SLC24A3: variants seen among roughly 807,000 people sequenced by gnomAD.
SLC24A3 encodes the protein sodium/potassium/calcium exchanger 3.
Under a neutral mutation model 75.8 loss-of-function variants are expected in SLC24A3, and 28 were observed. The ratio of observed to expected loss-of-function variants is 0.37; its 90% CI spans 0.27 to 0.51. The LOEUF is 0.51. Ranked by LOEUF, SLC24A3 falls within the 20% of genes least tolerant of loss-of-function variation. SLC24A3 has a pLI of 0.94. For synonymous variants in SLC24A3, 372 were observed against 334.1 expected (o/e 1.11, Z -1.24); for missense variants, 663 against 847.8 (o/e 0.78, Z 2.71).
intron 6 of SLC24A3, among the ~76,000 whole-genome samples, chr20:19,653,061 G>A (rs1366616939): frequency 6.6e-6 from 1 of 150,954 alleles, no homozygotes; most frequent in East Asian, 2.0e-4. Flanking sequence ...CTGCCAAAGT[G>A]GACCTACACT....
chr20:19,480,879 T>A (rs1163583425), intron 2 of SLC24A3, among the ~76,000 whole-genome samples: 4 of 152,156 alleles, frequency 2.6e-5, no homozygotes, highest in Non-Finnish European at 5.9e-5. Flanking sequence ...CAGAACTGAG[T>A]TTAGTAAGCC....
chr20:19,500,323 T>C (rs1013765765), intron 2 of SLC24A3, among the ~76,000 whole-genome samples: 1 of 152,218 alleles, frequency 6.6e-6, no homozygotes, highest in African/African-American at 2.4e-5. Context: ...AGGCAGGGTC[T>C]CCTTTCCTTG....
At chr20:19,485,090 A>G (rs559627440) in intron 2 of SLC24A3, among the ~76,000 whole-genome samples, 78 of 152,322 alleles carry the variant, frequency 5.1e-4, no homozygotes, top group African/African-American at 1.8e-3. Context: ...TGAAATTGGT[A>G]TAAGCCCTTT....
intron 2 of SLC24A3, among the ~76,000 whole-genome samples, chr20:19,461,970 A>G (rs921096324): frequency 2.6e-5 from 4 of 152,190 alleles, no homozygotes; most frequent in Admixed American, 2.6e-4. Flanking sequence ...CAAGGATTTG[A>G]ATTCAGGCGT....
intron 2 of SLC24A3, among the ~76,000 whole-genome samples, chr20:19,504,012 G>T (rs1355382998): frequency 6.6e-6 from 1 of 152,136 alleles, no homozygotes; most frequent in East Asian, 1.9e-4. Flanking sequence ...GGGAAATAAG[G>T]AGCGCACATG....
chr20:19,339,732 C>A (rs996253785), intron 2 of SLC24A3, among the ~76,000 whole-genome samples: 1 of 152,166 alleles, frequency 6.6e-6, no homozygotes, highest in Non-Finnish European at 1.5e-5. Context: ...ACCAGGGTAA[C>A]CTGGAGACAA....
At chr20:19,502,899 G>T (rs919863112) in intron 2 of SLC24A3, among the ~76,000 whole-genome samples, 3 of 149,488 alleles carry the variant, frequency 2.0e-5, no homozygotes, top group Non-Finnish European at 4.4e-5. Flanking sequence ...AAATAGCTGG[G>T]CATGTTGATG....
chr20:19,342,282 C>T (rs1045403258), intron 2 of SLC24A3, among the ~76,000 whole-genome samples: 1 of 152,202 alleles, frequency 6.6e-6, no homozygotes, highest in Admixed American at 6.5e-5. Context: ...GATGACTGGG[C>T]CATTGGCCAG....
chr20:19,565,484 T>G (rs2030942309), intron 3 of SLC24A3, among the ~76,000 whole-genome samples: 1 of 152,168 alleles, frequency 6.6e-6, no homozygotes, highest in Non-Finnish European at 1.5e-5. Flanking sequence ...AGTTCTGTGG[T>G]GCAATCCACA....
At chr20:19,433,511 T>C (rs1005692202) in intron 2 of SLC24A3, among the ~76,000 whole-genome samples, 1 of 152,246 alleles carries the variant, frequency 6.6e-6, no homozygotes, top group Non-Finnish European at 1.5e-5. Flanking sequence ...CCTTTTTAAA[T>C]CACAGTGGTT....
intron 2 of SLC24A3, among the ~76,000 whole-genome samples, chr20:19,311,446 C>G (rs1984455238): frequency 1.3e-5 from 2 of 152,160 alleles, no homozygotes; most frequent in African/African-American, 4.8e-5. Flanking sequence ...AGAAGAGATA[C>G]AGTCCCAGCC....
chr20:19,411,873 A>G (rs1986749033), intron 2 of SLC24A3, among the ~76,000 whole-genome samples: 3 of 152,140 alleles, frequency 2.0e-5, no homozygotes, highest in African/African-American at 7.2e-5. Context: ...TTTTGTACAT[A>G]TTTGGTGAAC....
chr20:19,322,269 T>G (rs1211664501), intron 2 of SLC24A3, among the ~76,000 whole-genome samples: 1 of 152,166 alleles, frequency 6.6e-6, no homozygotes, highest in African/African-American at 2.4e-5. Context: ...ATTCAATCAT[T>G]TCTTCTACGT....
chr20:19,703,012 C>T (rs2032891499), intron 15 of SLC24A3, among the ~76,000 whole-genome samples: 1 of 152,110 alleles, frequency 6.6e-6, no homozygotes, highest in African/African-American at 2.4e-5. Context: ...TGAGTCAAGA[C>T]TAAAATGTAA....
At chr20:19,506,490 T>C (rs938268211) in intron 2 of SLC24A3, among the ~76,000 whole-genome samples, 4 of 152,282 alleles carry the variant, frequency 2.6e-5, no homozygotes, top group African/African-American at 7.2e-5. Context: ...GGAATCAACA[T>C]ATTAGAAAGT....
At chr20:19,677,686 C>CTTTTTTTTTTTTTTTTT (rs796484728) in intron 9 of SLC24A3, among the ~76,000 whole-genome samples, 1 of 113,932 alleles carries the variant, frequency 8.8e-6, no homozygotes, top group Non-Finnish European at 1.8e-5. Context: ...TTTTTTTTTT[C>CTTTTTTTTTTTTTTTTT]TTTTTTTTTT....
At chr20:19,317,554 C>A (rs1436646246) in intron 2 of SLC24A3, among the ~76,000 whole-genome samples, 1 of 152,246 alleles carries the variant, frequency 6.6e-6, no homozygotes, top group Non-Finnish European at 1.5e-5. Flanking sequence ...TCAGGCCACC[C>A]CTCACTCCTG....
intron 2 of SLC24A3, among the ~76,000 whole-genome samples, chr20:19,444,632 T>C (rs531569767): frequency 5.9e-5 from 9 of 152,310 alleles, no homozygotes; most frequent in Admixed American, 5.2e-4. Flanking sequence ...TAGTCCTTTA[T>C]TAACCTTTCA....
intron 2 of SLC24A3, among the ~76,000 whole-genome samples, chr20:19,384,408 A>T (rs559060345): frequency 6.6e-6 from 1 of 152,150 alleles, no homozygotes; most frequent in African/African-American, 2.4e-5. Flanking sequence ...TAGATTCCAC[A>T]TATAAGTCAT....
Sources: gnomAD v4.1 joint callset for allele counts (sites outside exome capture counted in the v4.1 genomes callset) on GRCh38, gnomAD v4.1.1 for gene constraint, MANE v1.5 for transcripts, NCBI Gene and HGNC (gene_info 2026-07-23, HGNC 2026-07-21) for gene names.